Variants in FMN1 observed in about 807,000 individuals in gnomAD.
FMN1 encodes the protein formin-1.
FMN1 carries 110 observed loss-of-function variants against 132.4 expected under a neutral mutation model. That is an observed-to-expected ratio of 0.83 (90% confidence interval 0.71 to 0.97). FMN1 has a LOEUF of 0.97. Ranked by LOEUF, FMN1 falls within the 50% of genes least tolerant of loss-of-function variation. FMN1 has a pLI of 0.00. For missense variants in FMN1, 1,792 were observed against 1,705.3 expected (o/e 1.05, Z -0.90); for synonymous variants, 722 against 651.7 (o/e 1.11, Z -1.64).
Position 32,906,311 on chromosome 15 carries a change from A to G in FMN1, c.3377+2179T>C, listed in dbSNP as rs117478173. Among the ~76,000 whole-genome samples the G allele has an allele frequency of 2.2e-4, 34 of 152,342 alleles. No homozygotes were observed. In the East Asian group the frequency reaches 6.0e-3, roughly 27 times the overall value. On this transcript the variant is annotated intron_variant, in intron 12 of 20. Coordinates refer to ENST00000616417, the MANE Select transcript of FMN1 (RefSeq NM_001277313.2). ...TTAAAAGAACGATGTTTACGTTTCT[A>G]AATTGTTGAAAAAAGAGTCAACAGA...
At chr15:33,118,386 A>G (rs1361259694) in intron 4 of FMN1, among the ~76,000 whole-genome samples, 1 of 152,218 alleles carries the variant, frequency 6.6e-6, no homozygotes, top group African/African-American at 2.4e-5. Context: ...GTCCATCTAA[A>G]TGATTAGAAC....
At chr15:32,800,032 G>A (rs1274333478) in intron 18 of FMN1, among the ~76,000 whole-genome samples, 2 of 151,954 alleles carry the variant, frequency 1.3e-5, no homozygotes, top group African/African-American at 2.4e-5. Flanking sequence ...CTATTCAATG[G>A]CGATTGTAAA....
At chr15:33,026,132 C>G (rs2035658318) in intron 6 of FMN1, among the ~76,000 whole-genome samples, 2 of 112,118 alleles carry the variant, frequency 1.8e-5, no homozygotes, top group South Asian at 6.0e-4. Flanking sequence ...CACACACACA[C>G]AGAGGTTGAT....
intron 19 of FMN1, among the ~76,000 whole-genome samples, chr15:32,785,161 CGT>C (rs1178285469): frequency 0.026 from 1,346 of 51,498 alleles, 98 homozygotes; most frequent in African/African-American, 0.085. Context: ...TGTATACGTA[CGT>C]GTGTGTGTGT....
At chr15:32,777,458 AT>A (rs2056457666) in intron 19 of FMN1, among the ~76,000 whole-genome samples, 1 of 8,490 alleles carries the variant, frequency 1.2e-4, no homozygotes, top group African/African-American at 1.6e-4. Context: ...TATTATATTT[AT>A]ATATTACGTA....
At chr15:33,003,625 A>G (rs2034243921) in intron 7 of FMN1, among the ~76,000 whole-genome samples, 1 of 152,196 alleles carries the variant, frequency 6.6e-6, no homozygotes, top group Non-Finnish European at 1.5e-5. Context: ...TGCCCAAGGT[A>G]ATTTATAGAT....
At chr15:32,986,255 A>G (rs899126452) in intron 7 of FMN1, among the ~76,000 whole-genome samples, 1 of 152,188 alleles carries the variant, frequency 6.6e-6, no homozygotes, top group African/African-American at 2.4e-5. Context: ...AAGGGCTGAC[A>G]GTGTACAAAT....
intron 16 of FMN1, among the ~76,000 whole-genome samples, chr15:32,861,518 C>T (rs142730830): frequency 6.6e-6 from 1 of 152,308 alleles, no homozygotes; most frequent in African/African-American, 2.4e-5. Flanking sequence ...CCTCCCGCAA[C>T]ACAGGCATGA....
intron 17 of FMN1, among the ~76,000 whole-genome samples, chr15:32,855,157 T>TAAAAAAAAAAAAAA (rs750275479): frequency 1.2e-5 from 1 of 85,542 alleles, no homozygotes; most frequent in African/African-American, 4.0e-5. Context: ...ACGTGGAGAG[T>TAAAAAAAAAAAAAA]AAAAAAAAAA....
intron 3 of FMN1, among the ~76,000 whole-genome samples, chr15:33,172,026 G>A (rs1250426237): frequency 1.3e-5 from 2 of 152,038 alleles, no homozygotes; most frequent in Non-Finnish European, 2.9e-5. Flanking sequence ...TGGCTGACAC[G>A]GTGAAACCCC....
At chr15:32,931,424 T>C (rs2061114683) in intron 9 of FMN1, among the ~76,000 whole-genome samples, 1 of 152,242 alleles carries the variant, frequency 6.6e-6, no homozygotes, top group Non-Finnish European at 1.5e-5. Context: ...CCTCTTCAGT[T>C]TATTCCTAAG....
chr15:33,115,033 C>T (rs561085619), intron 4 of FMN1, among the ~76,000 whole-genome samples: 2 of 152,268 alleles, frequency 1.3e-5, no homozygotes, highest in Admixed American at 1.3e-4. Context: ...ATAGAGTCCT[C>T]AAGACTTCAT....
intron 17 of FMN1, among the ~76,000 whole-genome samples, chr15:32,840,954 A>G (rs1399768768): frequency 6.6e-6 from 1 of 152,238 alleles, no homozygotes; most frequent in Non-Finnish European, 1.5e-5. Context: ...ACACAGTACA[A>G]GAGTTTGTAT....
chr15:33,190,255 G>C (rs926629324), intron 2 of FMN1, among the ~76,000 whole-genome samples: 1 of 152,138 alleles, frequency 6.6e-6, no homozygotes, highest in African/African-American at 2.4e-5. Context: ...AGACTGAAAA[G>C]AGTTCTTGAA....
intron 9 of FMN1, among the ~76,000 whole-genome samples, chr15:32,932,468 T>C (rs868382183): frequency 6.6e-6 from 1 of 152,356 alleles, no homozygotes. Context: ...AGTTTTCTTT[T>C]CTTGTAATGT....
intron 6 of FMN1, among the ~76,000 whole-genome samples, chr15:33,044,087 G>A (rs1372290612): frequency 1.3e-5 from 2 of 152,086 alleles, no homozygotes; most frequent in Non-Finnish European, 2.9e-5. Flanking sequence ...ACCTAGTTGG[G>A]TATCTACACA....
chr15:33,099,725 C>A (rs2141408231), intron 4 of FMN1, among the ~76,000 whole-genome samples: 1 of 152,306 alleles, frequency 6.6e-6, no homozygotes, highest in East Asian at 1.9e-4. Flanking sequence ...CTGCAATTGG[C>A]ATCCCCATTT....
At chr15:33,193,051 T>C (rs1172764962) in intron 2 of FMN1, among the ~76,000 whole-genome samples, 2 of 152,220 alleles carry the variant, frequency 1.3e-5, no homozygotes, top group Non-Finnish European at 2.9e-5. Context: ...CTCTTCTCCA[T>C]TGTTTCCCTC....
chr15:32,799,754 C>A (rs1211882935), intron 18 of FMN1, among the ~76,000 whole-genome samples: 2 of 152,208 alleles, frequency 1.3e-5, no homozygotes, highest in South Asian at 2.1e-4. Context: ...GCCTCCCAAG[C>A]AGCCCTTCTT....
Sources: gnomAD v4.1 joint callset for allele counts (sites outside exome capture counted in the v4.1 genomes callset) on GRCh38, gnomAD v4.1.1 for gene constraint, MANE v1.5 for transcripts, NCBI Gene and HGNC (gene_info 2026-07-23, HGNC 2026-07-21) for gene names.